Variants in PSD3 observed in about 807,000 individuals in gnomAD.
The protein encoded by PSD3 is PH and SEC7 domain-containing protein 3.
Under a neutral mutation model 105.5 loss-of-function variants are expected in PSD3, and 49 were observed. That is an observed-to-expected ratio of 0.46 (90% CI 0.37 to 0.59). PSD3 has a LOEUF of 0.59. Among genes scored for constraint, PSD3 ranks in the 20% least tolerant of loss-of-function variants. The probability of loss-of-function intolerance (pLI) is 0.00; values close to 1 mark genes in which losing one functional copy is unlikely to be tolerated. For missense variants in PSD3, 1,561 were observed against 1,263.8 expected (o/e 1.24, Z -3.57); for synonymous variants, 557 against 457.8 (o/e 1.22, Z -2.77).
At chr8:18,666,608 A>G (rs1043507060) in intron 9 of PSD3, among the ~76,000 whole-genome samples, 4 of 152,184 alleles carry the variant, frequency 2.6e-5, no homozygotes, top group African/African-American at 9.7e-5. Flanking sequence ...ATAAGTCAGG[A>G]AGGCCAGGGA....
At chr8:18,562,074 A>T (rs1801424077) in intron 14 of PSD3, among the ~76,000 whole-genome samples, 1 of 152,212 alleles carries the variant, frequency 6.6e-6, no homozygotes, top group South Asian at 2.1e-4. Flanking sequence ...AGGAAGAATG[A>T]GAGAGAAGGC....
chr8:19,029,749 C>A (rs1827692167), intron 1 of PSD3, among the ~76,000 whole-genome samples: 2 of 152,078 alleles, frequency 1.3e-5, no homozygotes, highest in Non-Finnish European at 2.9e-5. Context: ...TAAGTTTATA[C>A]CCAAGTATTT....
intron 2 of PSD3, among the ~76,000 whole-genome samples, chr8:18,895,460 T>G (rs1026217923): frequency 3.9e-5 from 6 of 152,210 alleles, no homozygotes; most frequent in Non-Finnish European, 8.8e-5. Flanking sequence ...GCATTTATAT[T>G]CCTATCAGCA....
At chr8:18,763,103 A>C in intron 9 of PSD3, 1 of 460,468 alleles carries the variant, frequency 2.2e-6, no homozygotes, top group South Asian at 1.6e-5. Flanking sequence ...TCAAGTACAA[A>C]TGTTACTTCT....
chr8:18,927,373 C>G (rs1049764465), intron 2 of PSD3, among the ~76,000 whole-genome samples: 1 of 152,112 alleles, frequency 6.6e-6, no homozygotes, highest in Admixed American at 6.5e-5. Context: ...GCCACCATGC[C>G]TGGCTAATTT....
chr8:18,542,855 C>T (rs949707676), intron 15 of PSD3, among the ~76,000 whole-genome samples: 1 of 152,156 alleles, frequency 6.6e-6, no homozygotes, highest in African/African-American at 2.4e-5. Context: ...GTCAGTTTTG[C>T]TACCTTTGGT....
chr8:18,780,844 G>A (rs188676120), intron 8 of PSD3, among the ~76,000 whole-genome samples: 4 of 152,236 alleles, frequency 2.6e-5, no homozygotes, highest in Admixed American at 6.5e-5. Flanking sequence ...GTGAGCCACC[G>A]CGCCTGGCCC....
chr8:19,052,249 G>C (rs191902661), intron 1 of PSD3, among the ~76,000 whole-genome samples: 9 of 152,226 alleles, frequency 5.9e-5, no homozygotes, highest in African/African-American at 2.2e-4. Context: ...CGGGGTGGGC[G>C]GATCCCAAGG....
At chr8:18,802,280 C>T (rs895545787) in intron 6 of PSD3, 7 of 348,230 alleles carry the variant, frequency 2.0e-5, no homozygotes, top group East Asian at 7.5e-5. Context: ...TTAATCTACT[C>T]GGAGTCACTA....
At chr8:18,650,879 G>C (rs777224566) in intron 10 of PSD3, among the ~76,000 whole-genome samples, 2 of 152,084 alleles carry the variant, frequency 1.3e-5, no homozygotes, top group African/African-American at 2.4e-5. Flanking sequence ...TATAAGACGG[G>C]GTGGCTACAG....
rs1799634884 is a variant in PSD3, at chr8:18,531,588, C to T, written c.*4155G>A. The T allele has an allele frequency of 6.6e-6, 1 of 152,348 alleles. No homozygotes were observed. The highest frequency in any genetic ancestry group is 6.5e-5 in the Admixed American group (1 of 15,284). The allele number at this position is 152,348 out of a possible 1,614,324, so 9.4% of individuals were successfully genotyped here. On this transcript the variant is annotated 3_prime_UTR_variant, in exon 16 of 16. Transcript: ENST00000327040. ...GACATGTGGCAGAGCAGTGGCATGG[C>T]CTGGGAGACAAGATGGCCAGAAAGC...
chr8:18,640,006 T>C (rs1807526177), intron 10 of PSD3, among the ~76,000 whole-genome samples: 1 of 152,110 alleles, frequency 6.6e-6, no homozygotes, highest in African/African-American at 2.4e-5. Flanking sequence ...ATACAAGCCA[T>C]GCAAAGCCTG....
intron 1 of PSD3, chr8:18,989,508 A>AGG (rs1825682316): frequency 1.3e-5 from 2 of 152,234 alleles, no homozygotes; most frequent in African/African-American, 4.8e-5. Context: ...AAAATTACTC[A>AGG]AAATAGCAAG....
In PSD3 at chr8:18,531,513, G is replaced by A. The variant is rs1278329797; in HGVS notation, c.*4230C>T. 6.6e-6 allele frequency: 1 copy of A among 152,190 alleles called. No homozygotes were observed. Among genetic ancestry groups the A allele is most frequent in the Non-Finnish European group, 1.5e-5 (1 of 68,046 alleles). 9.4% of individuals were successfully genotyped at this position (152,190 alleles called of 1,614,324 possible). A position where few individuals can be genotyped will look rare whatever the true frequency, so the allele number is the denominator to read the frequency against. ...ATAATCTATCACGGGGTTATTCTGT[G>A]ATGATTTGATCATGTAAGATGCTAT... is the stretch of plus-strand genomic sequence containing the variant. On this transcript the variant is annotated 3_prime_UTR_variant, in exon 16 of 16. Transcript: ENST00000327040.
At chr8:18,809,816 T>G (rs1030013620) in intron 4 of PSD3, among the ~76,000 whole-genome samples, 7 of 152,186 alleles carry the variant, frequency 4.6e-5, no homozygotes, top group Non-Finnish European at 1.0e-4. Context: ...CTTTGTTGCC[T>G]ATAATCTACT....
At chr8:18,825,810 T>C (rs1041689805) in intron 4 of PSD3, among the ~76,000 whole-genome samples, 1 of 152,200 alleles carries the variant, frequency 6.6e-6, no homozygotes, top group African/African-American at 2.4e-5. Flanking sequence ...GGGATCTATG[T>C]AGTCGATTCA....
At chr8:18,859,680 G>A (rs974915145) in intron 4 of PSD3, among the ~76,000 whole-genome samples, 1 of 152,204 alleles carries the variant, frequency 6.6e-6, no homozygotes, top group Non-Finnish European at 1.5e-5. Context: ...ATGTTACGGA[G>A]ATAGCTTCTT....
At chr8:18,635,517 C>T (rs1054724224) in intron 10 of PSD3, among the ~76,000 whole-genome samples, 5 of 151,966 alleles carry the variant, frequency 3.3e-5, no homozygotes, top group African/African-American at 1.2e-4. Flanking sequence ...TTAGAGTATC[C>T]TACTTCTATT....
intron 9 of PSD3, among the ~76,000 whole-genome samples, 162 bp from the exon 10 acceptor site, chr8:18,655,847 G>C (rs1345303189): frequency 6.6e-6 from 1 of 152,182 alleles, no homozygotes; most frequent in East Asian, 1.9e-4. Context: ...GGAGGCAAAT[G>C]AGCATTGGGT....
Sources: allele counts gnomAD v4.1 joint callset (sites outside exome capture counted in the v4.1 genomes callset), GRCh38; gene constraint gnomAD v4.1.1; transcripts MANE v1.5; gene names NCBI Gene and HGNC (gene_info 2026-07-23, HGNC 2026-07-21).